Variants in FRMD4A observed in about 807,000 individuals in gnomAD.
FRMD4A encodes FERM domain-containing protein 4A.
A neutral mutation model predicts 129.1 loss-of-function variants in FRMD4A; 29 were observed. The observed-to-expected ratio is 0.22, with a 90% CI of 0.17 to 0.31. The LOEUF (loss-of-function observed/expected upper bound fraction) is 0.31, where lower values mean the gene tolerates loss of function less well. FRMD4A is among the 10% of genes least tolerant of loss of function. The probability of loss-of-function intolerance (pLI) is 1.00; values close to 1 mark genes in which losing one functional copy is unlikely to be tolerated. For missense variants in FRMD4A, 1,272 were observed against 1,375.8 expected (o/e 0.92, Z 1.19); for synonymous variants, 634 against 571.6 (o/e 1.11, Z -1.56).
chr10:13,946,673 T>G (rs2095334129), intron 2 of FRMD4A, among the ~76,000 whole-genome samples: 1 of 152,206 alleles, frequency 6.6e-6, no homozygotes, highest in Non-Finnish European at 1.5e-5. Context: ...TTTACTCGCC[T>G]TCTCCTTGCC....
chr10:13,819,545 T>C (rs1407585747), intron 3 of FRMD4A, among the ~76,000 whole-genome samples: 1 of 152,146 alleles, frequency 6.6e-6, no homozygotes, highest in Non-Finnish European at 1.5e-5. Context: ...ACATGATTTG[T>C]TACACTCTAT....
chr10:13,922,260 C>T (rs1178210318), intron 2 of FRMD4A, among the ~76,000 whole-genome samples: 1 of 151,330 alleles, frequency 6.6e-6, no homozygotes, highest in Non-Finnish European at 1.5e-5. Flanking sequence ...AGTGACAATT[C>T]ATCTGTCTAT....
chr10:13,925,562 A>T (rs2095122052), intron 2 of FRMD4A, among the ~76,000 whole-genome samples: 1 of 93,494 alleles, frequency 1.1e-5, no homozygotes, highest in African/African-American at 4.3e-5. Context: ...ATTGTAGTGA[A>T]ACGCTTTTTT....
In FRMD4A at chr10:13,814,912, C is replaced by T. The variant is rs1023057327; in HGVS notation, c.112-4004G>A. 1.1e-4 allele frequency among the ~76,000 whole-genome samples: 16 copies of T among 152,030 alleles called. No homozygotes were observed. In the East Asian group the frequency reaches 1.2e-3, roughly 11 times the overall value. On this transcript the variant is annotated intron_variant, in intron 3 of 24. Transcript: ENST00000357447. ...AAGGGAGATGAACCCAGGAAGCAAA[C>T]GTGATCTTAGCCAATAGGTGTTGAA... is the stretch of plus-strand genomic sequence containing the variant.
At chr10:13,856,970 T>C (rs1293602774) in intron 3 of FRMD4A, among the ~76,000 whole-genome samples, 1 of 152,160 alleles carries the variant, frequency 6.6e-6, no homozygotes, top group East Asian at 1.9e-4. Context: ...TCTTGGCAAT[T>C]TGAAGCTTCA....
chr10:13,751,628 A>AT lies in FRMD4A; in HGVS notation c.465-3810dup, dbSNP rs200854977. ...CTCCCTCAATGTCTTCCACTTCGAC[A>AT]TTTTCCCCAGAGTTCATGACATATG... On this transcript the variant is annotated intron_variant, in intron 8 of 24. Coordinates refer to ENST00000357447, the MANE Select transcript of FRMD4A (RefSeq NM_018027.5). Among the ~76,000 whole-genome samples the AT allele has an allele frequency of 8.6e-3, 1,312 of 152,266 alleles. 19 individuals carry two copies. The highest frequency in any genetic ancestry group is 0.03 in the African/African-American group (1,242 of 41,540).
At chr10:13,981,218 A>T (rs763966154) in intron 2 of FRMD4A, among the ~76,000 whole-genome samples, 5 of 152,166 alleles carry the variant, frequency 3.3e-5, no homozygotes, top group Non-Finnish European at 5.9e-5. Context: ...AAAACCAAGA[A>T]CTATCATGGG....
intron 2 of FRMD4A, among the ~76,000 whole-genome samples, chr10:14,219,113 C>T (rs543558213): frequency 4.9e-4 from 75 of 151,586 alleles, no homozygotes; most frequent in African/African-American, 1.8e-3. Flanking sequence ...AAGCCAGATA[C>T]ACAAGGCTCA....
chr10:13,818,587 A>T (rs1412331759), intron 3 of FRMD4A, among the ~76,000 whole-genome samples: 1 of 152,170 alleles, frequency 6.6e-6, no homozygotes, highest in Non-Finnish European at 1.5e-5. Flanking sequence ...ATCCTTCATG[A>T]TCTCTTGAAT....
chr10:13,794,663 C>T (rs569780250), intron 5 of FRMD4A, among the ~76,000 whole-genome samples: 1 of 152,232 alleles, frequency 6.6e-6, no homozygotes, highest in African/African-American at 2.4e-5. Context: ...TGCCAGATGG[C>T]GTGTATAAAG....
At chr10:14,063,574 T>G (rs561172830) in intron 2 of FRMD4A, among the ~76,000 whole-genome samples, 1 of 140,848 alleles carries the variant, frequency 7.1e-6, no homozygotes, top group African/African-American at 2.6e-5. Flanking sequence ...AAAAAAAAAG[T>G]CATATACTTG....
At chr10:14,020,178 G>A (rs1260630876) in intron 2 of FRMD4A, among the ~76,000 whole-genome samples, 1 of 152,204 alleles carries the variant, frequency 6.6e-6, no homozygotes. Context: ...ATTTGCAGGT[G>A]CGAGCTTGTG....
At chr10:14,112,477 G>C (rs1482262147) in intron 2 of FRMD4A, among the ~76,000 whole-genome samples, 3 of 152,206 alleles carry the variant, frequency 2.0e-5, no homozygotes, top group Non-Finnish European at 4.4e-5. Context: ...GCTCCACCAG[G>C]ACCTCACCCA....
intron 6 of FRMD4A, among the ~76,000 whole-genome samples, chr10:13,766,557 A>T (rs917619864): frequency 6.6e-6 from 1 of 152,208 alleles, no homozygotes; most frequent in African/African-American, 2.4e-5. Context: ...ATGTTCTCAT[A>T]GGACTCAACA....
intron 2 of FRMD4A, among the ~76,000 whole-genome samples, chr10:14,057,948 A>G (rs1367515534): frequency 6.6e-6 from 1 of 152,242 alleles, no homozygotes; most frequent in African/African-American, 2.4e-5. Context: ...AGTGGACAAG[A>G]TTTTGTTTGA....
Position 13,698,109 on chromosome 10 carries a change from GCA to G in FRMD4A, c.975+3229_975+3230del, listed in dbSNP as rs528614065. 9.7e-4 allele frequency among the ~76,000 whole-genome samples: 89 copies of G among 92,030 alleles called. No individual in the cohort carries two copies. The East Asian group carries it at 0.024, about 25-fold the overall frequency. 60.4% of individuals were successfully genotyped at this position (92,030 alleles called of 152,430 possible). ...GATGGAGGGAGGGAGGGAGAGACAG[GCA>G]GAGAGAAAGAAGGAGAGATTTCCTT... On this transcript the variant is annotated intron_variant, in intron 14 of 24. Coordinates refer to ENST00000357447, the MANE Select transcript of FRMD4A (RefSeq NM_018027.5).
chr10:14,013,734 C>T (rs770635674), intron 2 of FRMD4A, among the ~76,000 whole-genome samples: 9 of 152,202 alleles, frequency 5.9e-5, no homozygotes, highest in East Asian at 1.9e-4. Flanking sequence ...GAGTTCAAGA[C>T]GAGCCTGACC....
Position 13,680,434 on chromosome 10 carries a change from TA to T in FRMD4A, c.1118-5391del, listed in dbSNP as rs60800955. ...AGGTTGTGTTTAGCCCCTTGGAAAT[TA>T]AAAAAAAAAGGGCTGGGTGTCGTGG... On this transcript the variant is annotated intron_variant, in intron 15 of 24. Transcript: ENST00000357447. 4.3e-3 allele frequency among the ~76,000 whole-genome samples: 640 copies of T among 148,584 alleles called. 2 individuals are homozygous for T. Among genetic ancestry groups the T allele is most frequent in the African/African-American group, 0.014 (556 of 40,828 alleles).
chr10:13,674,798 A>G (rs2083832909), intron 16 of FRMD4A, 113 bp downstream of exon 16: 2 of 1,235,460 alleles, frequency 1.6e-6, no homozygotes, highest in Admixed American at 1.9e-5. Flanking sequence ...CCTTCTGTCA[A>G]AACGATCAAA....
Sources: gnomAD v4.1 joint callset for allele counts (sites outside exome capture counted in the v4.1 genomes callset) on GRCh38, gnomAD v4.1.1 for gene constraint, MANE v1.5 for transcripts, NCBI Gene and HGNC (gene_info 2026-07-23, HGNC 2026-07-21) for gene names.